The following TDRD9 variants were observed in gnomAD, a reference collection of about 807,000 sequenced individuals.
The protein encoded by TDRD9 is tudor domain containing 9.
Under a neutral mutation model 172.6 loss-of-function variants are expected in TDRD9, and 124 were observed. The observed-to-expected ratio is 0.72, with a 90% confidence interval of 0.62 to 0.83. TDRD9 has a LOEUF of 0.83. TDRD9 is among the 40% of genes least tolerant of loss of function. The probability of loss-of-function intolerance (pLI) is 0.00; values close to 1 mark genes in which losing one functional copy is unlikely to be tolerated. For missense variants in TDRD9, 1,479 were observed against 1,714.1 expected (o/e 0.86, Z 2.42); for synonymous variants, 619 against 617.1 (o/e 1.00, Z -0.05).
rs764361499 is a variant in TDRD9, at chr14:104,018,280, C to G, written c.2432+88C>G. 154 of 849,040 alleles carry G rather than the reference C, an allele frequency of 1.8e-4. 2 individuals carry two copies. Among genetic ancestry groups the G allele is most frequent in the Middle Eastern group, 1.6e-3 (7 of 4,474 alleles). The allele number at this position is 849,040 out of a possible 1,614,324, so 52.6% of individuals were successfully genotyped here. ...GACGCTGATTGTTAAAACGGAGTGC[C>G]CATGGAAATGGGTCCTCCTATGGGC... On this transcript the variant is annotated intron_variant, in intron 23 of 35. Transcript: ENST00000409874.
chr14:103,932,588 C>A (rs924608934), intron 1 of TDRD9, among the ~76,000 whole-genome samples: 2 of 152,006 alleles, frequency 1.3e-5, no homozygotes, highest in Non-Finnish European at 2.9e-5. Context: ...GGGGTTTCAC[C>A]GTGTTAGCCA....
At chr14:103,937,351 GTA>G (rs1400690582) in intron 1 of TDRD9, among the ~76,000 whole-genome samples, 1 of 152,174 alleles carries the variant, frequency 6.6e-6, no homozygotes, top group Admixed American at 6.5e-5. Flanking sequence ...TGACTCTTCT[GTA>G]TTCAGTGCTT....
At chr14:103,932,858 G>A (rs1178473871) in intron 1 of TDRD9, among the ~76,000 whole-genome samples, 2 of 151,990 alleles carry the variant, frequency 1.3e-5, no homozygotes, top group African/African-American at 4.8e-5. Flanking sequence ...AAGAACATGG[G>A]CAATTTTTTT....
At chr14:104,028,147 A>G (rs939068578) in intron 28 of TDRD9, among the ~76,000 whole-genome samples, 1 of 152,244 alleles carries the variant, frequency 6.6e-6, no homozygotes, top group South Asian at 2.1e-4. Flanking sequence ...CCACTGCTGC[A>G]GTAATCACGG....
chr14:103,982,621 A>G (rs957290480), intron 7 of TDRD9, among the ~76,000 whole-genome samples: 2 of 152,180 alleles, frequency 1.3e-5, no homozygotes, highest in Non-Finnish European at 2.9e-5. Context: ...AAATTGTGAA[A>G]GAGGCCAGGC....
At chr14:103,952,696 T>C (rs2152128277) in intron 1 of TDRD9, among the ~76,000 whole-genome samples, 1 of 151,274 alleles carries the variant, frequency 6.6e-6, no homozygotes, top group South Asian at 2.1e-4. Flanking sequence ...ATGCGTTTCA[T>C]TCTTATCTTA....
intron 13 of TDRD9, 74 bp from the exon 14 acceptor site, chr14:104,004,162 CTG>C: frequency 1.5e-6 from 1 of 655,976 alleles, no homozygotes; most frequent in Non-Finnish European, 2.7e-6. Flanking sequence ...TATTTAATGA[CTG>C]TTTAAAAAGA....
intron 1 of TDRD9, among the ~76,000 whole-genome samples, chr14:103,952,729 C>CTT (rs68192057): frequency 0.2 from 14,222 of 72,080 alleles, 3,882 homozygotes; most frequent in East Asian, 0.25. Context: ...AATTCTCTCT[C>CTT]TTTTTTTTTT....
At chr14:103,942,647 A>AGGCCATTT (rs1308780648) in intron 1 of TDRD9, among the ~76,000 whole-genome samples, 2 of 152,202 alleles carry the variant, frequency 1.3e-5, no homozygotes, top group Non-Finnish European at 2.9e-5. Flanking sequence ...CTTAACTTTC[A>AGGCCATTT]GGCCATTTGG....
In TDRD9 at chr14:103,993,139, T is replaced by C. The variant is rs1275662179; in HGVS notation, c.1181-1193T>C. Among the ~76,000 whole-genome samples the C allele has an allele frequency of 2.4e-4, 11 of 45,998 alleles. No individual in the cohort carries two copies. The East Asian group carries it at 6.9e-3, about 29-fold the overall frequency. 30.2% of individuals were successfully genotyped at this position (45,998 alleles called of 152,430 possible). ...CATGCACCCCCATGCCTGGCCAAAT[T>C]TTTTTTTTTTTGGTATCTTTTTGTG... On this transcript the variant is annotated intron_variant, in intron 9 of 35. Coordinates refer to ENST00000409874, the MANE Select transcript of TDRD9 (RefSeq NM_153046.3).
chr14:104,025,810 A>G, intron 26 of TDRD9, 34 bp downstream of exon 26: 1 of 1,511,002 alleles, frequency 6.6e-7, no homozygotes. Context: ...CTGGAAGGGA[A>G]ATGAGACAGA....
chr14:103,960,349 T>C (rs774139665), intron 2 of TDRD9, among the ~76,000 whole-genome samples: 1 of 152,246 alleles, frequency 6.6e-6, no homozygotes, highest in Non-Finnish European at 1.5e-5. Flanking sequence ...TATAGTGATA[T>C]GTCTTAGTGA....
chr14:104,003,639 A>T (rs2034334575), intron 13 of TDRD9, among the ~76,000 whole-genome samples: 1 of 152,120 alleles, frequency 6.6e-6, no homozygotes, highest in South Asian at 2.1e-4. Context: ...TGTTAGGATA[A>T]AAGAGTTGCT....
At position 104,000,749 on chromosome 14, in the gene TDRD9, C is replaced by T. The variant is rs199753770; in HGVS notation, c.1483+2021C>T. Among the ~76,000 whole-genome samples, 5 of 152,210 alleles carry T rather than the reference C, an allele frequency of 3.3e-5. No homozygotes were observed. In the East Asian group the frequency reaches 7.7e-4, roughly 23 times the overall value. Reference sequence around the variant, plus strand: ...GCAGTGAGCCTAGATCACGCCACTGCACTCCAGCCTGGGCAACAGAGCAAG... The same window carrying T: ...GCAGTGAGCCTAGATCACGCCACTGTACTCCAGCCTGGGCAACAGAGCAAG... On this transcript the variant is annotated intron_variant, in intron 13 of 35. Transcript: ENST00000409874.
intron 20 of TDRD9, 120 bp from the exon 21 acceptor site, chr14:104,014,605 A>G (rs2034726027): frequency 1.8e-6 from 1 of 560,624 alleles, no homozygotes; most frequent in Non-Finnish European, 3.2e-6. Flanking sequence ...AATTAGCTGC[A>G]GTGTTTCATT....
Position 103,969,951 on chromosome 14 carries a change from C to T in TDRD9, c.766-590C>T, listed in dbSNP as rs1029464675. On this transcript the variant is annotated intron_variant, in intron 5 of 35. Transcript: ENST00000409874. ...CCCCGAGTGTCAGTGCTACTGACCT[C>T]GGGTCCTAACCTTGCTCTGGTTTAC... Among the ~76,000 whole-genome samples the T allele has an allele frequency of 1.4e-4, 22 of 152,200 alleles. 1 individual carries two copies. Among genetic ancestry groups the T allele is most frequent in the Admixed American group, 1.1e-3 (17 of 15,296 alleles).
chr14:104,046,854 G>A (rs980946664), intron 34 of TDRD9, among the ~76,000 whole-genome samples: 1 of 152,058 alleles, frequency 6.6e-6, no homozygotes, highest in Non-Finnish European at 1.5e-5. Flanking sequence ...CACTGTGTTC[G>A]CCAGGATGGT....
At position 103,952,172 on chromosome 14, in the gene TDRD9, A is replaced by C. The variant is rs12889692; in HGVS notation, c.216-3492A>C. On this transcript the variant is annotated intron_variant, in intron 1 of 35. Coordinates refer to ENST00000409874, the MANE Select transcript of TDRD9 (RefSeq NM_153046.3). ...TATATACGTGTATATATGTGTATAT[A>C]TGTGTGTGCGTGTGTGTGTATATAT... Among the ~76,000 whole-genome samples the C allele has an allele frequency of 8.5e-5, 10 of 117,302 alleles. No homozygotes were observed. The East Asian group carries it at 2.2e-3, about 26-fold the overall frequency. The allele number at this position is 117,302 out of a possible 152,430, so 77.0% of individuals were successfully genotyped here.
In TDRD9 at chr14:104,022,325, C is replaced by T. The variant is rs1169885010; in HGVS notation, c.2601C>T (p.Asn867=). The T allele has an allele frequency of 2.5e-6, 4 of 1,609,938 alleles. No homozygotes were observed. The African/African-American group carries it at 4.0e-5, about 16-fold the overall frequency. ...GCATGAACGTCTCAAAGCTCAGGAA[C>T]ACAAGGTATTTTCGGGAGGGAGGTG... ...VQGMNVSKLR[N]TRVNVDFQKQ... Residue 867 remains asparagine (N), a synonymous_variant, in exon 24 of 36, where the codon AAC becomes AAT. Coordinates refer to ENST00000409874, the MANE Select transcript of TDRD9 (RefSeq NM_153046.3).
Sources: gnomAD v4.1 joint callset for allele counts (sites outside exome capture counted in the v4.1 genomes callset) on GRCh38, gnomAD v4.1.1 for gene constraint, MANE v1.5 for transcripts, NCBI Gene and HGNC (gene_info 2026-07-23, HGNC 2026-07-21) for gene names.